Variants in NRXN3 observed in about 807,000 individuals in gnomAD.
The protein encoded by NRXN3 is neurexin 3.
In NRXN3, 32 loss-of-function variants were observed where a neutral mutation model predicts 137.6. The ratio of observed to expected loss-of-function variants is 0.23; its 90% CI spans 0.18 to 0.31. NRXN3 has a LOEUF of 0.31. NRXN3 is among the 10% of genes least tolerant of loss of function. The probability of loss-of-function intolerance (pLI) is 1.00; values close to 1 mark genes in which losing one functional copy is unlikely to be tolerated. For synonymous variants in NRXN3, 798 were observed against 784.5 expected (o/e 1.02, Z -0.29); for missense variants, 1,574 against 2,062.5 (o/e 0.76, Z 4.59).
At chr14:78,684,811 A>G (rs1442438429) in intron 6 of NRXN3, among the ~76,000 whole-genome samples, 1 of 152,180 alleles carries the variant, frequency 6.6e-6, no homozygotes, top group Non-Finnish European at 1.5e-5. Context: ...ACAACAAAAT[A>G]TCCTACTCCC....
At chr14:79,274,629 A>C (rs1385259752) in intron 15 of NRXN3, among the ~76,000 whole-genome samples, 2 of 152,288 alleles carry the variant, frequency 1.3e-5, no homozygotes, top group Non-Finnish European at 2.9e-5. Flanking sequence ...GAGAAAAAAA[A>C]AAAAATGCTT....
chr14:78,277,897 G>A (rs1378796156), intron 2 of NRXN3, among the ~76,000 whole-genome samples: 1 of 152,186 alleles, frequency 6.6e-6, no homozygotes, highest in Non-Finnish European at 1.5e-5. Context: ...ATTCGTAGTT[G>A]TCAAAAGTGA....
chr14:78,563,539 C>T (rs534868701), intron 4 of NRXN3, among the ~76,000 whole-genome samples: 4 of 152,300 alleles, frequency 2.6e-5, no homozygotes, highest in African/African-American at 9.6e-5. Context: ...TATCAATGGG[C>T]AGGGCTTGCT....
At chr14:78,461,371 T>A (rs2094916114) in intron 4 of NRXN3, among the ~76,000 whole-genome samples, 1 of 152,066 alleles carries the variant, frequency 6.6e-6, no homozygotes, top group Non-Finnish European at 1.5e-5. Context: ...TCTAGGGGTT[T>A]GCTCTGAGTG....
chr14:79,270,308 C>T (rs2079107399), intron 15 of NRXN3, among the ~76,000 whole-genome samples: 1 of 152,156 alleles, frequency 6.6e-6, no homozygotes, highest in Admixed American at 6.5e-5. Context: ...CCCCACCACA[C>T]ACACATACAC....
chr14:79,020,021 G>A (rs769744061), intron 15 of NRXN3, among the ~76,000 whole-genome samples: 3 of 152,104 alleles, frequency 2.0e-5, no homozygotes, highest in African/African-American at 4.8e-5. Flanking sequence ...GGAACTGATG[G>A]TTTGGTCTTA....
chr14:78,669,375 T>A (rs1286995390), intron 6 of NRXN3, among the ~76,000 whole-genome samples: 2 of 151,956 alleles, frequency 1.3e-5, no homozygotes, highest in African/African-American at 4.8e-5. Flanking sequence ...GTCCATAAAG[T>A]GAAAGCAAAT....
intron 1 of NRXN3, among the ~76,000 whole-genome samples, chr14:78,225,983 GTGTGT>G (rs2064575511): frequency 5.4e-5 from 7 of 130,196 alleles, no homozygotes; most frequent in African/African-American, 2.4e-4. Context: ...TGGTGTGTGT[GTGTGT>G]GTGTGTGTGT....
intron 8 of NRXN3, among the ~76,000 whole-genome samples, chr14:78,734,025 GA>G (rs2098529314): frequency 6.6e-6 from 1 of 152,112 alleles, no homozygotes; most frequent in Non-Finnish European, 1.5e-5. Flanking sequence ...AGAGGAGGGG[GA>G]AAGAGAATAG....
intron 10 of NRXN3, among the ~76,000 whole-genome samples, chr14:78,910,745 G>A (rs1169197305): frequency 6.6e-6 from 1 of 152,108 alleles, no homozygotes; most frequent in Non-Finnish European, 1.5e-5. Context: ...TGTAACACAT[G>A]TGAGACCAGA....
chr14:79,827,290 T>TC (rs2099307374), intron 20 of NRXN3, among the ~76,000 whole-genome samples: 6 of 152,012 alleles, frequency 3.9e-5, no homozygotes, highest in African/African-American at 1.4e-4. Flanking sequence ...AAACCTTCTC[T>TC]GAAAAAAATG....
chr14:78,662,619 G>A (rs909906091), intron 6 of NRXN3, among the ~76,000 whole-genome samples: 1 of 152,142 alleles, frequency 6.6e-6, no homozygotes, highest in African/African-American at 2.4e-5. Flanking sequence ...TTTATAGATA[G>A]ATCTATAGAT....
At chr14:79,218,692 C>T (rs1321473711) in intron 15 of NRXN3, among the ~76,000 whole-genome samples, 1 of 152,054 alleles carries the variant, frequency 6.6e-6, no homozygotes, top group Non-Finnish European at 1.5e-5. Flanking sequence ...ACAAAAGAGT[C>T]TTATGGCAAA....
At chr14:79,386,184 T>A (rs2094609159) in intron 15 of NRXN3, among the ~76,000 whole-genome samples, 1 of 152,186 alleles carries the variant, frequency 6.6e-6, no homozygotes, top group African/African-American at 2.4e-5. Flanking sequence ...GCAGATGACA[T>A]GACTGTATAT....
intron 16 of NRXN3, among the ~76,000 whole-genome samples, chr14:79,483,863 A>T (rs2096631310): frequency 6.6e-6 from 1 of 152,148 alleles, no homozygotes; most frequent in East Asian, 1.9e-4. Flanking sequence ...GCTAACCGCC[A>T]AGGGCCATCT....
chr14:79,395,470 GT>G (rs2094987955), intron 15 of NRXN3, among the ~76,000 whole-genome samples: 1 of 152,070 alleles, frequency 6.6e-6, no homozygotes, highest in Non-Finnish European at 1.5e-5. Context: ...GCTAAGCCTA[GT>G]AAAAGATGTT....
chr14:78,734,028 A>T (rs1371523329), intron 8 of NRXN3, among the ~76,000 whole-genome samples: 2 of 152,184 alleles, frequency 1.3e-5, no homozygotes, highest in Admixed American at 1.3e-4. Flanking sequence ...GGAGGGGGAA[A>T]GAGAATAGGC....
intron 16 of NRXN3, among the ~76,000 whole-genome samples, chr14:79,641,553 C>T (rs1437492182): frequency 7.4e-6 from 1 of 135,618 alleles, no homozygotes; most frequent in African/African-American, 2.5e-5. Flanking sequence ...CCGCTGGGCT[C>T]AGCATGTTGG....
chr14:79,814,928 C>T (rs993512067), intron 20 of NRXN3, among the ~76,000 whole-genome samples: 1 of 152,184 alleles, frequency 6.6e-6, no homozygotes, highest in African/African-American at 2.4e-5. Context: ...CTGGTTCCAC[C>T]TCATGCATAT....
Sources: gnomAD v4.1 joint callset for allele counts (sites outside exome capture counted in the v4.1 genomes callset) on GRCh38, gnomAD v4.1.1 for gene constraint, MANE v1.5 for transcripts, NCBI Gene and HGNC (gene_info 2026-07-23, HGNC 2026-07-21) for gene names.